The following LILRA2 variants were observed in gnomAD, a reference collection of about 807,000 sequenced individuals.
LILRA2 encodes the protein leukocyte immunoglobulin like receptor A2, also known as leukocyte immunoglobulin-like receptor subfamily A member 2.
LILRA2 carries 45 observed loss-of-function variants against 47.9 expected under a neutral mutation model. That is an observed-to-expected ratio of 0.94 (90% CI 0.74 to 1.20). The LOEUF is 1.20. Among genes scored for constraint, LILRA2 ranks in the 50% most tolerant of loss-of-function variants. The pLI is 0.00. For missense variants in LILRA2, 651 were observed against 598.2 expected, an observed-to-expected ratio of 1.09 and a Z score of -0.92; for synonymous variants, 279 against 249.2, an observed-to-expected ratio of 1.12 and a Z score of -1.13.
Position 54,574,714 on chromosome 19 carries a change from G to C in LILRA2, c.353-17G>C. 6.2e-7 allele frequency: 1 copy of C among 1,612,874 alleles called. No homozygotes were observed. The highest frequency in any genetic ancestry group is 8.5e-7 in the Non-Finnish European group (1 of 1,179,124). On this transcript the variant is annotated splice_polypyrimidine_tract_variant and intron_variant, in intron 3 of 7. Transcript: ENST00000391738. ...AGGTGGGAGCCCCATTTAACACAGT[G>C]CCTCCTTCTCTCCTAGGAGCCTACA...
rs1406656706 is a variant in LILRA2, at chr19:54,574,565, TG to T, written c.337del (p.Glu113SerfsTer4). 1 of 1,613,912 alleles carries T rather than the reference TG, an allele frequency of 6.2e-7. No homozygotes were observed. Among genetic ancestry groups the T allele is most frequent in the African/African-American group, 1.3e-5 (1 of 74,908 alleles). Reference sequence around the variant, plus strand: ...CACTCATCAGAGTACAGTGACCCCCTGGAGCTGGTGGTGACAGGTGAGAGGA... The same window carrying T: ...CACTCATCAGAGTACAGTGACCCCCTGAGCTGGTGGTGACAGGTGAGAGGA... ...HNHSSEYSDPLELVVTGAYSK... is the reference protein window; with the variant it reads ...HNHSSEYSDPXELVVTGAYSK... On this transcript the variant is annotated frameshift_variant, in exon 3 of 8. Transcript: ENST00000391738. LOFTEE classifies it high-confidence loss of function.
At chr19:54,573,083 A>C (rs1401852027), upstream of LILRA2, 1 of 222,914 alleles carries the variant, frequency 4.5e-6, no homozygotes, top group African/African-American at 2.3e-5. Context: ...TCCCAGGCCG[A>C]AGTATTCCTC....
rs35764505 is a variant in LILRA2, at chr19:54,587,337, CG to C, written c.1446del (p.Arg483GlyfsTer50). 1 of 1,614,084 alleles carries C rather than the reference CG, an allele frequency of 6.2e-7. No homozygotes were observed. The highest frequency in any genetic ancestry group is 1.7e-5 in the Admixed American group (1 of 60,014). ...GCCAGAGAAGCCTACAAGATGCAGC[CG>C]GGAGGTGAACAGCAGAGAGGACAAT... ...HSQRSLQDAA[G>X]R On this transcript the variant is annotated frameshift_variant, in exon 8 of 8. Coordinates refer to ENST00000391738, the MANE Select transcript of LILRA2 (RefSeq NM_001130917.3). LOFTEE classifies it high-confidence loss of function.
Position 54,574,284 on chromosome 19 carries a change from C to T in LILRA2, c.71-17C>T, listed in dbSNP as rs778911500. On this transcript the variant is annotated splice_polypyrimidine_tract_variant and intron_variant, in intron 2 of 7. Coordinates refer to ENST00000391738, the MANE Select transcript of LILRA2 (RefSeq NM_001130917.3). ...GGTGGGAAATGACTTAGAATCCGAC[C>T]TCTGATTTCCTTCCAGGGCACCTCC... 1.3e-4 allele frequency: 216 copies of T among 1,613,808 alleles called. No homozygotes were observed. The highest frequency in any genetic ancestry group is 1.7e-4 in the Non-Finnish European group (204 of 1,179,912).
rs532631429 is a variant in LILRA2 at position 54,588,484 on chromosome 19, T to C, written c.*1138T>C. ...GGCCGGGCGTGGTGGTGGGCGCCTG[T>C]AGTCCCAGCTACTCAGGAGGCTGAG... On this transcript the variant is annotated 3_prime_UTR_variant, in exon 8 of 8. Transcript: ENST00000391738. The C allele has an allele frequency of 6.6e-6, 1 of 151,384 alleles. No individual in the cohort carries two copies. Among genetic ancestry groups the C allele is most frequent in the Non-Finnish European group, 1.5e-5 (1 of 67,910 alleles). 9.4% of individuals were successfully genotyped at this position (151,384 alleles called of 1,614,324 possible).
chr19:54,573,419 G>C, upstream of LILRA2: 1 of 1,002,352 alleles, frequency 1.0e-6, no homozygotes, highest in Non-Finnish European at 1.6e-6. Context: ...TCCAGGGCTG[G>C]AGGGACGACC....
intron 6 of LILRA2, among the ~76,000 whole-genome samples, chr19:54,578,269 C>A (rs1169900409): frequency 6.6e-6 from 1 of 152,094 alleles, no homozygotes; most frequent in Admixed American, 6.5e-5. Context: ...CTAATGCTAT[C>A]CTTCTCCCAG....
Position 54,587,410 on chromosome 19 carries a change from A to C in LILRA2, c.*64A>C. Reference sequence around the variant, plus strand: ...CCTCAGGGACAGATCTGATGATCCCAGGAGGCTCTGGAGGACAATCTAGGA... The same window carrying C: ...CCTCAGGGACAGATCTGATGATCCCCGGAGGCTCTGGAGGACAATCTAGGA... On this transcript the variant is annotated 3_prime_UTR_variant, in exon 8 of 8. Transcript: ENST00000391738. 6.2e-7 allele frequency: 1 copy of C among 1,608,508 alleles called. No individual in the cohort carries two copies. The highest frequency in any genetic ancestry group is 1.1e-5 in the South Asian group (1 of 90,412).
chr19:54,579,667 G>A (rs1169134183), intron 6 of LILRA2, among the ~76,000 whole-genome samples: 1 of 152,092 alleles, frequency 6.6e-6, no homozygotes, highest in East Asian at 1.9e-4. Flanking sequence ...TAGCTTGATG[G>A]GGATAGCATT....
Position 54,587,420 on chromosome 19 carries a change from G to A in LILRA2, c.*74G>A, listed in dbSNP as rs532939298. 1 of 1,601,722 alleles carries A rather than the reference G, an allele frequency of 6.2e-7. No individual in the cohort carries two copies. Among genetic ancestry groups the A allele is most frequent in the East Asian group, 2.2e-5 (1 of 44,758 alleles). On this transcript the variant is annotated 3_prime_UTR_variant, in exon 8 of 8. Transcript: ENST00000391738. ...AGATCTGATGATCCCAGGAGGCTCTGGAGGACAATCTAGGACCTACATTAT... is the reference window on the plus strand; with the variant it reads ...AGATCTGATGATCCCAGGAGGCTCTAGAGGACAATCTAGGACCTACATTAT...
chr19:54,573,761 A>G, upstream of LILRA2: 2 of 1,591,436 alleles, frequency 1.3e-6, no homozygotes, highest in Non-Finnish European at 1.7e-6. Flanking sequence ...GTTGCACATA[A>G]CAAAACCCCA....
chr19:54,585,506 C>T (rs1470252192), intron 6 of LILRA2, among the ~76,000 whole-genome samples: 2 of 152,198 alleles, frequency 1.3e-5, no homozygotes, highest in Admixed American at 6.5e-5. Flanking sequence ...ATGGTGGATG[C>T]CCTTCCCTCC....
At position 54,575,947 on chromosome 19, in the gene LILRA2, C is replaced by T; in HGVS notation, c.1093C>T (p.Leu365=). The change falls in exon 6 of 8, where the codon CTG becomes TTG. Residue 365 remains leucine (L), a synonymous_variant. Coordinates refer to ENST00000391738, the MANE Select transcript of LILRA2 (RefSeq NM_001130917.3). ...LTKEGAGHPP[L]HLRSEHQAQQ... ...CAAGGAGGGGGCAGGCCATCCCCCA[C>T]TGCATCTGAGATCAGAGCACCAAGC... 2.5e-6 allele frequency: 4 copies of T among 1,614,046 alleles called. No individual in the cohort carries two copies. The South Asian group carries it at 3.3e-5, about 13-fold the overall frequency.
In LILRA2 at chr19:54,587,611, G is replaced by A. The variant is rs2062853639; in HGVS notation, c.*265G>A. ...CTTTTTTTCCCATCCCCAGACATGA[G>A]GCTCCATCCCACATGGCACCGTTGG... On this transcript the variant is annotated 3_prime_UTR_variant, in exon 8 of 8. Transcript: ENST00000391738. 8.6e-6 allele frequency: 5 copies of A among 582,458 alleles called. No individual in the cohort carries two copies. The highest frequency in any genetic ancestry group is 3.1e-5 in the Admixed American group (1 of 32,162). 36.1% of individuals were successfully genotyped at this position (582,458 alleles called of 1,614,324 possible).
chr19:54,574,086 G>C lies in LILRA2; in HGVS notation c.45G>C (p.Leu15=), dbSNP rs779768670. The change falls in exon 2 of 8, where the codon CTG becomes CTC. Residue 15 remains leucine, a synonymous_variant. Transcript: ENST00000391738. ...GGAACTCTCTTCCAGGGCTGAGTCT[G>C]GGCCCCAGGACCCACGTGCAGGCAG... ...LTVLICLGLS[L]GPRTHVQAGH... The C allele has an allele frequency of 3.7e-6, 6 of 1,614,230 alleles. No homozygotes were observed. Among genetic ancestry groups the C allele is most frequent in the Non-Finnish European group, 5.1e-6 (6 of 1,180,034 alleles).
rs746167058 is a variant in LILRA2, at chr19:54,574,308, C to T, written c.78C>T (p.Leu26=). 11 of 1,614,166 alleles carry T rather than the reference C, an allele frequency of 6.8e-6. No individual in the cohort carries two copies. The highest frequency in any genetic ancestry group is 9.3e-6 in the Non-Finnish European group (11 of 1,179,964). ...CCTCTGATTTCCTTCCAGGGCACCT[C>T]CCCAAGCCCACCCTCTGGGCTGAGC... ...GPRTHVQAGH[L]PKPTLWAEPG... is the part of the protein sequence containing the mutation. Residue 26 remains leucine (L), a synonymous_variant, in exon 3 of 8, where the codon CTC becomes CTT. Transcript: ENST00000391738.
rs183260220 is a variant in LILRA2 at position 54,577,646 on chromosome 19, G to A, written c.1255+1537G>A. ...GTGCCGCTCACACTGCCCCTCCTGT[G>A]CTCACCTGGAGGCCTCTGTGCTCAG... On this transcript the variant is annotated intron_variant, in intron 6 of 7. Transcript: ENST00000391738. 402 of 1,289,544 alleles carry A rather than the reference G, an allele frequency of 3.1e-4. 1 individual carries two copies. The African/African-American group carries it at 5.4e-3, about 17-fold the overall frequency. 79.9% of individuals were successfully genotyped at this position (1,289,544 alleles called of 1,614,324 possible). A position where few individuals can be genotyped will look rare whatever the true frequency, so the allele number is the denominator to read the frequency against.
Position 54,574,833 on chromosome 19 carries a change from T to G in LILRA2, c.455T>G (p.Phe152Cys). The part of the protein sequence containing the change: ...QCVSQVAFDG[F>C]ILCKEGEDEH... ...GTCTCACAGGTGGCATTTGACGGCT[T>G]CATTCTGTGTAAGGAAGGAGAAGAT... The change falls in exon 4 of 8, where the codon TTC (phenylalanine) becomes TGC (cysteine). Residue 152 changes from phenylalanine (F) to cysteine (C), a missense_variant. Coordinates refer to ENST00000391738, the MANE Select transcript of LILRA2 (RefSeq NM_001130917.3). 1.2e-6 allele frequency: 2 copies of G among 1,614,242 alleles called. No homozygotes were observed. The highest frequency in any genetic ancestry group is 1.7e-6 in the Non-Finnish European group (2 of 1,180,048).
At position 54,575,407 on chromosome 19, in the gene LILRA2, G is replaced by GCCCA. The variant is rs1294775549; in HGVS notation, c.808_809insCCAC (p.Gln270ProfsTer42). The GCCCA allele has an allele frequency of 9.3e-6, 15 of 1,613,910 alleles. No homozygotes were observed. The East Asian group carries it at 1.6e-4, about 17-fold the overall frequency. On this transcript the variant is annotated frameshift_variant, in exon 5 of 8. Coordinates refer to ENST00000391738, the MANE Select transcript of LILRA2 (RefSeq NM_001130917.3). LOFTEE classifies it high-confidence loss of function. ...GTGACTTCCTCCAGCGCCCTGGTTG[G>GCCCA]CAGCCCCAGGCTGGGCTCTCCCAGG... is the stretch of plus-strand genomic sequence containing the variant.
Sources: gnomAD v4.1 joint callset for allele counts (sites outside exome capture counted in the v4.1 genomes callset) on GRCh38, gnomAD v4.1.1 for gene constraint, MANE v1.5 for transcripts, NCBI Gene and HGNC (gene_info 2026-07-23, HGNC 2026-07-21) for gene names.